NUDT9: variants seen among roughly 807,000 people sequenced by gnomAD.
The protein encoded by NUDT9 is nudix hydrolase 9.
NUDT9 carries 31 observed loss-of-function variants against 41.0 expected under a neutral mutation model. The observed-to-expected ratio is 0.76, with a 90% CI of 0.57 to 1.02. NUDT9 has a LOEUF of 1.02. Ranked by LOEUF, NUDT9 falls within the 50% of genes least tolerant of loss-of-function variation. The pLI is 0.00. For missense variants in NUDT9, 380 were observed against 431.4 expected (o/e 0.88, Z 1.06); for synonymous variants, 146 against 147.6 (o/e 0.99, Z 0.08).
chr4:87,448,752 A>T (rs1376039296), intron 4 of NUDT9, among the ~76,000 whole-genome samples: 1 of 152,168 alleles, frequency 6.6e-6, no homozygotes, highest in East Asian at 1.9e-4. Context: ...CAAGTGCGAG[A>T]CACTGCGCCT....
intron 1 of NUDT9, among the ~76,000 whole-genome samples, chr4:87,432,655 CT>C (rs1219678895): frequency 3.3e-5 from 5 of 151,944 alleles, no homozygotes; most frequent in African/African-American, 1.2e-4. Flanking sequence ...CATATATGGC[CT>C]TTATTATGTT....
rs1307822674 is a variant in NUDT9 at position 87,443,057 on chromosome 4, C to G, written c.530+1142C>G. ...ACTGTATGTGATTGTACTCTTATGA[C>G]TGGCAGTGCAGTAGGTTTGTTTACG... On this transcript the variant is annotated intron_variant, in intron 4 of 7. Transcript: ENST00000302174. Among the ~76,000 whole-genome samples the G allele has an allele frequency of 2.0e-5, 3 of 152,278 alleles. No homozygotes were observed. In the East Asian group the frequency reaches 5.8e-4, roughly 29 times the overall value.
chr4:87,433,063 G>A (rs79226292), intron 1 of NUDT9, among the ~76,000 whole-genome samples: 2,992 of 152,092 alleles, frequency 0.02, 106 homozygotes, highest in African/African-American at 0.068. Context: ...AAGAGTTGAG[G>A]GAATATTGGT....
chr4:87,452,809 G>GT (rs376368372), intron 6 of NUDT9, among the ~76,000 whole-genome samples: 34,354 of 110,820 alleles, frequency 0.31, 6,655 homozygotes, highest in East Asian at 0.44. Flanking sequence ...AAATAACAGA[G>GT]TTTTTTTTTT....
chr4:87,429,888 A>G (rs779932731), intron 1 of NUDT9, among the ~76,000 whole-genome samples: 1 of 151,908 alleles, frequency 6.6e-6, no homozygotes, highest in Non-Finnish European at 1.5e-5. Context: ...CTCCTTCTAT[A>G]TATGCTTATA....
intron 2 of NUDT9, among the ~76,000 whole-genome samples, chr4:87,435,621 C>T (rs545514740): frequency 2.6e-5 from 4 of 151,970 alleles, no homozygotes; most frequent in East Asian, 3.9e-4. Context: ...AAATATTTTT[C>T]GGAAAATTCT....
intron 4 of NUDT9, among the ~76,000 whole-genome samples, chr4:87,443,749 T>G (rs892668402): frequency 3.3e-5 from 5 of 152,250 alleles, no homozygotes; most frequent in African/African-American, 1.2e-4. Context: ...GGGTTTGTAG[T>G]AATATCTGAG....
At chr4:87,438,714 G>C (rs1366775551) in intron 3 of NUDT9, among the ~76,000 whole-genome samples, 3 of 152,156 alleles carry the variant, frequency 2.0e-5, no homozygotes, top group Non-Finnish European at 4.4e-5. Context: ...GTATCTTAAA[G>C]TAAGAATTTA....
chr4:87,449,706 C>T (rs1008867176), intron 5 of NUDT9, among the ~76,000 whole-genome samples: 8 of 152,240 alleles, frequency 5.3e-5, no homozygotes, highest in African/African-American at 1.9e-4. Flanking sequence ...ATTCTGATAA[C>T]TTTTGACAAT....
intron 5 of NUDT9, 60 bp downstream of exon 5, chr4:87,449,313 G>C (rs1465860094): frequency 3.5e-6 from 3 of 864,688 alleles, no homozygotes; most frequent in Non-Finnish European, 5.9e-6. Context: ...TTACTACAGG[G>C]TTATTGTTTG....
intron 1 of NUDT9, among the ~76,000 whole-genome samples, chr4:87,431,056 A>G (rs1031390100): frequency 1.3e-5 from 2 of 152,100 alleles, no homozygotes; most frequent in Admixed American, 1.3e-4. Flanking sequence ...TTCCTCTAAG[A>G]TTTTGATCAT....
chr4:87,444,253 TTGATC>T (rs773427877), intron 4 of NUDT9, among the ~76,000 whole-genome samples: 7 of 152,204 alleles, frequency 4.6e-5, no homozygotes, highest in Non-Finnish European at 1.0e-4. Flanking sequence ...CTGTTTTTCT[TTGATC>T]TGAGATATAA....
chr4:87,434,859 T>A (rs1288217997), intron 1 of NUDT9, 122 bp from the exon 2 acceptor site: 2 of 767,434 alleles, frequency 2.6e-6, no homozygotes, highest in East Asian at 5.4e-5. Context: ...CCTCAGGTGA[T>A]CCACCTACCT....
At chr4:87,448,423 T>G (rs367753026) in intron 4 of NUDT9, among the ~76,000 whole-genome samples, 34 of 152,226 alleles carry the variant, frequency 2.2e-4, no homozygotes, top group African/African-American at 7.2e-4. Flanking sequence ...GGATTTCAGG[T>G]GTGAGTCACC....
chr4:87,442,416 T>C (rs1005172254), intron 4 of NUDT9, among the ~76,000 whole-genome samples: 5 of 152,140 alleles, frequency 3.3e-5, no homozygotes, highest in African/African-American at 1.2e-4. Context: ...AGTCAGTGAG[T>C]GGTGAGTGAA....
chr4:87,444,647 A>C (rs1220328466), intron 4 of NUDT9, among the ~76,000 whole-genome samples: 1 of 152,234 alleles, frequency 6.6e-6, no homozygotes, highest in Non-Finnish European at 1.5e-5. Context: ...GTAAGGGGAC[A>C]AGAGCAGAAA....
At chr4:87,439,919 T>C (rs577506561) in intron 3 of NUDT9, among the ~76,000 whole-genome samples, 1 of 152,314 alleles carries the variant, frequency 6.6e-6, no homozygotes, top group Admixed American at 6.5e-5. Context: ...GTTATCATCT[T>C]ATAAAAATGT....
At chr4:87,434,821 G>A (rs1721844369) in intron 1 of NUDT9, among the ~76,000 whole-genome samples, 160 bp from the exon 2 acceptor site, 1 of 152,150 alleles carries the variant, frequency 6.6e-6, no homozygotes, top group Non-Finnish European at 1.5e-5. Context: ...ATTTCACCAT[G>A]TTGGTCAGGC....
intron 5 of NUDT9, among the ~76,000 whole-genome samples, chr4:87,450,770 T>A (rs1722676306): frequency 6.6e-6 from 1 of 152,228 alleles, no homozygotes; most frequent in Non-Finnish European, 1.5e-5. Context: ...ATCTTGCATT[T>A]TTATTGTTAT....
Sources: gnomAD v4.1 joint callset for allele counts (sites outside exome capture counted in the v4.1 genomes callset) on GRCh38, gnomAD v4.1.1 for gene constraint, MANE v1.5 for transcripts, NCBI Gene and HGNC (gene_info 2026-07-23, HGNC 2026-07-21) for gene names.